FGF3: variants seen among roughly 807,000 people sequenced by gnomAD.
FGF3 encodes FGF-3.
Under a neutral mutation model 9.8 loss-of-function variants are expected in FGF3, and 7 were observed. The ratio of observed to expected loss-of-function variants is 0.72; its 90% CI spans 0.41 to 1.35. The LOEUF is 1.35. FGF3 is among the 40% of genes most tolerant of loss of function. The pLI is 0.01. For synonymous variants in FGF3, 173 were observed against 157.2 expected (o/e 1.10, Z -0.75); for missense variants, 390 against 345.6 (o/e 1.13, Z -1.02).
chr11:69,810,506 C>A lies in FGF3; in HGVS notation c.519G>T (p.Gln173His). 2 of 1,611,084 alleles carry A rather than the reference C, an allele frequency of 1.2e-6. No individual in the cohort carries two copies. The highest frequency in any genetic ancestry group is 1.7e-6 in the Non-Finnish European group (2 of 1,178,996). Reference sequence around the variant, plus strand: ...CGCGGGGCAGGAACAGGGAGGACTTCTGTGTGCGGCGGGTCTTGAAGCCCC... The same window carrying A: ...CGCGGGGCAGGAACAGGGAGGACTTATGTGTGCGGCGGGTCTTGAAGCCCC... ...PRRGFKTRRTQKSSLFLPRVL... is the reference protein window; with the variant it reads ...PRRGFKTRRTHKSSLFLPRVL... Residue 173 changes from glutamine to histidine, a missense_variant, in exon 3 of 3, where the codon CAG becomes CAT. Gln to His is a conservative substitution (Grantham distance 24). Transcript: ENST00000334134.
At position 69,810,396 on chromosome 11, in the gene FGF3, C is replaced by T. The variant is rs115452181; in HGVS notation, c.629G>A (p.Arg210Gln). 348 of 1,559,512 alleles carry T rather than the reference C, an allele frequency of 2.2e-4. 4 individuals carry two copies. In the East Asian group the frequency reaches 7.4e-3, roughly 33 times the overall value. ...ATCCGGGCTCTGCTTCTGCCGCCGC[C>T]GTCGGGGCTGGACCCCCTTACCAGG... ...RPPGKGVQPR[R>Q]RRQKQSPDNL... The change falls in exon 3 of 3, where the codon CGG (arginine) becomes CAG (glutamine). Residue 210 changes from arginine (R) to glutamine (Q), a missense_variant. Physicochemically the swap from Arg to Gln is conservative, Grantham distance 43. Coordinates refer to ENST00000334134, the MANE Select transcript of FGF3 (RefSeq NM_005247.4).
At position 69,810,373 on chromosome 11, in the gene FGF3, C is replaced by T. The variant is rs2119903939; in HGVS notation, c.652G>A (p.Asp218Asn). The change falls in exon 3 of 3, where the codon GAT (aspartate) becomes AAT (asparagine). Residue 218 changes from aspartate (D) to asparagine (N), a missense_variant. Physicochemically the swap from Asp to Asn is conservative, Grantham distance 23. Coordinates refer to ENST00000334134, the MANE Select transcript of FGF3 (RefSeq NM_005247.4). ...PRRRRQKQSP[D>N]NLEPSHVQAS... Reference sequence around the variant, plus strand: ...TGAACGTGAGAGGGCTCCAGGTTATCCGGGCTCTGCTTCTGCCGCCGCCGT... The same window carrying T: ...TGAACGTGAGAGGGCTCCAGGTTATTCGGGCTCTGCTTCTGCCGCCGCCGT... The T allele has an allele frequency of 1.9e-6, 3 of 1,563,330 alleles. No individual in the cohort carries two copies. The highest frequency in any genetic ancestry group is 2.6e-6 in the Non-Finnish European group (3 of 1,150,550).
At position 69,810,461 on chromosome 11, in the gene FGF3, G is replaced by A. The variant is rs113473565; in HGVS notation, c.564C>T (p.His188=). 2.9e-5 allele frequency: 46 copies of A among 1,602,260 alleles called. No individual in the cohort carries two copies. Among genetic ancestry groups the A allele is most frequent in the African/African-American group, 2.8e-4 (21 of 74,982 alleles). Residue 188 remains histidine (H), a synonymous_variant, in exon 3 of 3, where the codon CAC becomes CAT. Transcript: ENST00000334134. ...FLPRVLDHRD[H]EMVRQLQSGL... is the part of the protein sequence containing the mutation. ...CACTCTGTAGCTGCCGCACCATCTC[G>A]TGGTCCCTGTGGTCCAGCACGCGGG...
At chr11:69,818,629 C>G (rs1172527300) in intron 1 of FGF3, 85 bp downstream of exon 1, 4 of 1,066,436 alleles carry the variant, frequency 3.8e-6, no homozygotes, top group Non-Finnish European at 4.9e-6. Context: ...CCGCCTCCCC[C>G]GCGGGGCCCC....
At chr11:69,818,515 G>A (rs1554981333) in intron 1 of FGF3, among the ~76,000 whole-genome samples, 199 bp downstream of exon 1, 1 of 152,078 alleles carries the variant, frequency 6.6e-6, no homozygotes, top group African/African-American at 2.4e-5. Context: ...GTAGGTTGAG[G>A]AGGGCACCCT....
rs1234839173 is a variant in FGF3, at chr11:69,819,406, C to G, written c.-473G>C. Among the ~76,000 whole-genome samples the G allele has an allele frequency of 6.6e-6, 1 of 151,900 alleles. No individual in the cohort carries two copies. The highest frequency in any genetic ancestry group is 1.5e-5 in the Non-Finnish European group (1 of 67,926). On this transcript the variant is annotated 5_prime_UTR_variant, in exon 1 of 3. Transcript: ENST00000334134. ...AGCGCGCCCCACGCCCCCGAAAGCC[C>G]TCCTGGCTCTGAAAGGTCCCCTACC...
chr11:69,819,381 A>T lies in FGF3; in HGVS notation c.-448T>A, dbSNP rs1454977601. 2.0e-5 allele frequency among the ~76,000 whole-genome samples: 3 copies of T among 151,380 alleles called. No individual in the cohort carries two copies. Among genetic ancestry groups the T allele is most frequent in the Non-Finnish European group, 3.0e-5 (2 of 67,792 alleles). Reference sequence around the variant, plus strand: ...CCGTCGAGCCGCGGCTCCGCTCCGCAGCGCGCCCCACGCCCCCGAAAGCCC... The same window carrying T: ...CCGTCGAGCCGCGGCTCCGCTCCGCTGCGCGCCCCACGCCCCCGAAAGCCC... On this transcript the variant is annotated 5_prime_UTR_variant, in exon 1 of 3. Coordinates refer to ENST00000334134, the MANE Select transcript of FGF3 (RefSeq NM_005247.4).
intron 1 of FGF3, 85 bp downstream of exon 1, chr11:69,818,629 C>A (rs1172527300): frequency 5.6e-6 from 6 of 1,066,542 alleles, no homozygotes; most frequent in East Asian, 3.3e-5. Flanking sequence ...CCGCCTCCCC[C>A]GCGGGGCCCC....
At chr11:69,813,860 ATGGATGGATAGGTGGATGGATGGATGGG>A (rs1856080783) in intron 2 of FGF3, among the ~76,000 whole-genome samples, 1 of 144,374 alleles carries the variant, frequency 6.9e-6, no homozygotes, top group Non-Finnish European at 1.5e-5. Flanking sequence ...GGATGGGTGG[ATGGATGGATAGGTGGATGGATGGATGGG>A]TGGATGGCTG....
chr11:69,818,004 G>C (rs1381352583), intron 1 of FGF3, among the ~76,000 whole-genome samples: 1 of 152,326 alleles, frequency 6.6e-6, no homozygotes, highest in East Asian at 1.9e-4. Flanking sequence ...CCGCGCTCGT[G>C]ATCCGCACGT....
chr11:69,814,001 G>A (rs1330450907), intron 2 of FGF3, among the ~76,000 whole-genome samples: 5 of 151,920 alleles, frequency 3.3e-5, no homozygotes, highest in Admixed American at 6.6e-5. Context: ...GAGCATGGAC[G>A]GATGGACATG....
chr11:69,813,655 GAT>G (rs1554980703), intron 2 of FGF3, among the ~76,000 whole-genome samples: 29 of 143,494 alleles, frequency 2.0e-4, no homozygotes, highest in East Asian at 4.2e-4. Context: ...TGGGTGGATG[GAT>G]GGATGGGTGG....
intron 2 of FGF3, among the ~76,000 whole-genome samples, chr11:69,814,989 G>A (rs1390687441): frequency 6.6e-6 from 1 of 152,226 alleles, no homozygotes; most frequent in African/African-American, 2.4e-5. Context: ...ACTGATGAAT[G>A]GACTGAATGT....
In FGF3 at chr11:69,819,314, C is replaced by T. The variant is rs1194482056; in HGVS notation, c.-381G>A. Among the ~76,000 whole-genome samples, 1 of 151,220 alleles carries T rather than the reference C, an allele frequency of 6.6e-6. No individual in the cohort carries two copies. The highest frequency in any genetic ancestry group is 1.5e-5 in the Non-Finnish European group (1 of 67,644). The stretch of plus-strand genomic sequence containing the variant: ...GGGGAGCCCCGCGGGGCTCGGGGTT[C>T]GGGCCGGGCGCCGTCTGCATACACT... On this transcript the variant is annotated 5_prime_UTR_variant, in exon 1 of 3. Coordinates refer to ENST00000334134, the MANE Select transcript of FGF3 (RefSeq NM_005247.4).
At chr11:69,813,848 A>ATGGATGGG (rs1856079910) in intron 2 of FGF3, among the ~76,000 whole-genome samples, 2 of 61,354 alleles carry the variant, frequency 3.3e-5, no homozygotes, top group African/African-American at 1.1e-4. Context: ...GGCTGGTTGG[A>ATGGATGGG]TGGATGGGTG....
At chr11:69,812,019 G>A (rs995796728) in intron 2 of FGF3, among the ~76,000 whole-genome samples, 8 of 152,312 alleles carry the variant, frequency 5.3e-5, no homozygotes, top group South Asian at 2.1e-4. Context: ...AGACCCACTA[G>A]GCTTCAGTCC....
chr11:69,818,842 C>T lies in FGF3; in HGVS notation c.92G>A (p.Gly31Asp). Residue 31 changes from glycine (G) to aspartate (D), a missense_variant, in exon 1 of 3, where the codon GGC (glycine) becomes GAC (aspartate). Coordinates refer to ENST00000334134, the MANE Select transcript of FGF3 (RefSeq NM_005247.4). Reference sequence around the variant, plus strand: ...AAGGTGCTCGTAGACGCCGCCACGGCCGCCCGCATCGCGCCGCAACCGCGC... The same window carrying T: ...AAGGTGCTCGTAGACGCCGCCACGGTCGCCCGCATCGCGCCGCAACCGCGC... ...PGARLRRDAG[G>D]RGGVYEHLGG... 1.4e-6 allele frequency: 2 copies of T among 1,473,078 alleles called. No individual in the cohort carries two copies. The highest frequency in any genetic ancestry group is 2.6e-5 in the South Asian group (2 of 77,810). The allele number at this position is 1,473,078 out of a possible 1,614,324, so 91.3% of individuals were successfully genotyped here.
In FGF3 at chr11:69,810,075, G is replaced by A. The variant is rs556180665; in HGVS notation, c.*230C>T. ...GCTGGCACTCAGGCCCTTCCCTGCC[G>A]GCTTCCTGCCACACAGACCCACAAA... On this transcript the variant is annotated 3_prime_UTR_variant, in exon 3 of 3. Coordinates refer to ENST00000334134, the MANE Select transcript of FGF3 (RefSeq NM_005247.4). The A allele has an allele frequency of 7.3e-4, 355 of 485,568 alleles. 2 individuals carry two copies. The highest frequency in any genetic ancestry group is 1.6e-3 in the Middle Eastern group (3 of 1,906). 30.1% of individuals were successfully genotyped at this position (485,568 alleles called of 1,614,324 possible). A position where few individuals can be genotyped will look rare whatever the true frequency, so the allele number is the denominator to read the frequency against.
At chr11:69,812,752 C>T (rs1436940543) in intron 2 of FGF3, among the ~76,000 whole-genome samples, 2 of 152,162 alleles carry the variant, frequency 1.3e-5, no homozygotes, top group African/African-American at 2.4e-5. Context: ...TCTCCCAGGT[C>T]CCTCGATCCT....
Sources: gnomAD v4.1 joint callset for allele counts (sites outside exome capture counted in the v4.1 genomes callset) on GRCh38, gnomAD v4.1.1 for gene constraint, MANE v1.5 for transcripts, NCBI Gene and HGNC (gene_info 2026-07-23, HGNC 2026-07-21) for gene names.